NECAB1: variants seen among roughly 807,000 people sequenced by gnomAD.
NECAB1 encodes the protein N-terminal EF-hand calcium-binding protein 1.
Under a neutral mutation model 57.5 loss-of-function variants are expected in NECAB1, and 29 were observed. The observed-to-expected ratio is 0.50, with a 90% CI of 0.38 to 0.69. The LOEUF (loss-of-function observed/expected upper bound fraction) is 0.69. Ranked by LOEUF, NECAB1 falls within the 30% of genes least tolerant of loss-of-function variation. The probability of loss-of-function intolerance (pLI) is 0.00; values close to 1 mark genes in which losing one functional copy is unlikely to be tolerated. For synonymous variants in NECAB1, 142 were observed against 147.7 expected (o/e 0.96, Z 0.28); for missense variants, 372 against 413.8 (o/e 0.90, Z 0.88).
At chr8:90,867,220 C>G (rs1808534833) in intron 3 of NECAB1, among the ~76,000 whole-genome samples, 1 of 152,166 alleles carries the variant, frequency 6.6e-6, no homozygotes, top group African/African-American at 2.4e-5. Context: ...GCAGATTATT[C>G]TAAACTGCTA....
rs1303162981 is a variant in NECAB1 at position 90,958,222 on chromosome 8, A to G, written c.*2710A>G. On this transcript the variant is annotated 3_prime_UTR_variant, in exon 13 of 13. Coordinates refer to ENST00000417640, the MANE Select transcript of NECAB1 (RefSeq NM_022351.5). ...TAAGAAATTATCGAATTAAAACTTAATGTATGTCAATTATTTTCAAATGTC... is the reference window on the plus strand; with the variant it reads ...TAAGAAATTATCGAATTAAAACTTAGTGTATGTCAATTATTTTCAAATGTC... The G allele has an allele frequency of 6.6e-6, 1 of 151,568 alleles. No homozygotes were observed. The highest frequency in any genetic ancestry group is 2.4e-5 in the African/African-American group (1 of 41,346). The allele number at this position is 151,568 out of a possible 1,614,324, so 9.4% of individuals were successfully genotyped here.
intron 10 of NECAB1, among the ~76,000 whole-genome samples, chr8:90,945,046 T>C (rs1586148415): frequency 6.6e-6 from 1 of 152,038 alleles, no homozygotes; most frequent in Non-Finnish European, 1.5e-5. Flanking sequence ...TACAGGTGCA[T>C]GCCACCATGC....
At chr8:90,905,453 A>G (rs186588973) in intron 5 of NECAB1, among the ~76,000 whole-genome samples, 2 of 152,222 alleles carry the variant, frequency 1.3e-5, no homozygotes, top group Non-Finnish European at 2.9e-5. Flanking sequence ...CAGAAGAGCA[A>G]GCCTGCACAG....
chr8:90,792,101 G>A, intron 1 of NECAB1, 116 bp downstream of exon 1: 3 of 758,732 alleles, frequency 4.0e-6, no homozygotes, highest in Non-Finnish European at 4.4e-6. Context: ...GAACACAGGC[G>A]AGAACTACCG....
At chr8:90,895,113 G>A (rs1057313010) in intron 5 of NECAB1, among the ~76,000 whole-genome samples, 1 of 152,136 alleles carries the variant, frequency 6.6e-6, no homozygotes, top group Non-Finnish European at 1.5e-5. Flanking sequence ...ACAAATGTCT[G>A]TTAAGAAAAT....
At chr8:90,863,933 A>T (rs1808457699) in intron 3 of NECAB1, among the ~76,000 whole-genome samples, 1 of 152,146 alleles carries the variant, frequency 6.6e-6, no homozygotes, top group Admixed American at 6.6e-5. Context: ...GAAGTATTAG[A>T]ACCCATTTGA....
intron 6 of NECAB1, among the ~76,000 whole-genome samples, chr8:90,922,602 C>T (rs886453497): frequency 2.0e-5 from 3 of 147,144 alleles, no homozygotes; most frequent in East Asian, 4.1e-4. Flanking sequence ...AAGCAATTCT[C>T]CTGCGTCAGA....
chr8:90,834,078 G>T (rs1283260264), intron 3 of NECAB1, among the ~76,000 whole-genome samples: 2 of 139,540 alleles, frequency 1.4e-5, no homozygotes, highest in African/African-American at 2.7e-5. Flanking sequence ...TATGAGAATT[G>T]ATTGAACCCA....
chr8:90,911,616 G>C (rs913273068), intron 5 of NECAB1, among the ~76,000 whole-genome samples: 1 of 152,070 alleles, frequency 6.6e-6, no homozygotes, highest in Non-Finnish European at 1.5e-5. Flanking sequence ...GTACATTTTT[G>C]AATAAGCAAG....
intron 12 of NECAB1, among the ~76,000 whole-genome samples, chr8:90,951,760 T>C (rs538445296): frequency 9.7e-6 from 1 of 103,198 alleles, no homozygotes; most frequent in East Asian, 4.4e-4. Context: ...AGACAAATTT[T>C]AGCAGAAAAA....
At chr8:90,949,146 T>TTGTG (rs59311652) in intron 10 of NECAB1, among the ~76,000 whole-genome samples, 1,746 of 129,952 alleles carry the variant, frequency 0.013, 22 homozygotes, top group South Asian at 0.019. Context: ...AACAGGCACT[T>TTGTG]TGTGTGTGTG....
At chr8:90,945,547 T>A (rs1810785957) in intron 10 of NECAB1, among the ~76,000 whole-genome samples, 1 of 152,108 alleles carries the variant, frequency 6.6e-6, no homozygotes, top group Admixed American at 6.5e-5. Flanking sequence ...GACCCACAGC[T>A]TGGTATGGAG....
intron 3 of NECAB1, among the ~76,000 whole-genome samples, chr8:90,845,429 GTATT>G (rs1481502786): frequency 6.6e-6 from 1 of 152,004 alleles, no homozygotes; most frequent in Non-Finnish European, 1.5e-5. Context: ...CTTATATTAT[GTATT>G]TATTTATTTT....
At chr8:90,807,130 TA>T (rs1811860821) in intron 2 of NECAB1, among the ~76,000 whole-genome samples, 1 of 152,238 alleles carries the variant, frequency 6.6e-6, no homozygotes, top group Non-Finnish European at 1.5e-5. Flanking sequence ...TGTGGTAGTT[TA>T]ATTGATTTAA....
In NECAB1 at chr8:90,955,558, TTCTTA is replaced by T; in HGVS notation, c.*50_*54del. On this transcript the variant is annotated 3_prime_UTR_variant, in exon 13 of 13. Transcript: ENST00000417640. ...TATGGTTCCAAGTGCAAAACAGGTG[TTCTTA>T]TCTAAAACGTCAATTAGAAAATTAT... 6.9e-7 allele frequency: 1 copy of T among 1,450,714 alleles called. No homozygotes were observed. The highest frequency in any genetic ancestry group is 9.3e-7 in the Non-Finnish European group (1 of 1,071,900). The allele number at this position is 1,450,714 out of a possible 1,614,324, so 89.9% of individuals were successfully genotyped here. A position where few individuals can be genotyped will look rare whatever the true frequency, so the allele number is the denominator to read the frequency against.
chr8:90,959,005 T>C lies in NECAB1; in HGVS notation c.*3493T>C, dbSNP rs1401389742. ...AACTTAAATTCATCTGTTCTTAAAA[T>C]GCTACTTAAAACTTTGGTTGTTTTC... On this transcript the variant is annotated 3_prime_UTR_variant, in exon 13 of 13. Coordinates refer to ENST00000417640, the MANE Select transcript of NECAB1 (RefSeq NM_022351.5). 7.1e-7 allele frequency: 1 copy of C among 1,411,504 alleles called. No individual in the cohort carries two copies. Among genetic ancestry groups the C allele is most frequent in the Non-Finnish European group, 9.5e-7 (1 of 1,055,404 alleles). The allele number at this position is 1,411,504 out of a possible 1,614,324, so 87.4% of individuals were successfully genotyped here. A position where few individuals can be genotyped will look rare whatever the true frequency, so the allele number is the denominator to read the frequency against.
intron 3 of NECAB1, among the ~76,000 whole-genome samples, chr8:90,825,483 A>G (rs1032846620): frequency 2.6e-5 from 4 of 151,890 alleles, no homozygotes; most frequent in African/African-American, 9.7e-5. Context: ...AATTGAACCA[A>G]ATCAGATTAT....
chr8:90,948,416 G>C (rs1219689428), intron 10 of NECAB1, among the ~76,000 whole-genome samples: 2 of 151,342 alleles, frequency 1.3e-5, no homozygotes, highest in South Asian at 2.1e-4. Flanking sequence ...AACACAAGCA[G>C]AACTAAAGAA....
chr8:90,802,277 G>C (rs1416223096), intron 2 of NECAB1, among the ~76,000 whole-genome samples: 1 of 152,174 alleles, frequency 6.6e-6, no homozygotes, highest in Non-Finnish European at 1.5e-5. Flanking sequence ...CCCTGGAAAT[G>C]ATAATCTATA....
Sources: allele counts gnomAD v4.1 joint callset (sites outside exome capture counted in the v4.1 genomes callset), GRCh38; gene constraint gnomAD v4.1.1; transcripts MANE v1.5; gene names NCBI Gene and HGNC (gene_info 2026-07-23, HGNC 2026-07-21).